The following MAGT1 variants were observed in gnomAD, a reference collection of about 807,000 sequenced individuals.
MAGT1 encodes the protein magnesium transporter 1.
Under a neutral mutation model 28.4 loss-of-function variants are expected in MAGT1, and 4 were observed. The ratio of observed to expected loss-of-function variants is 0.14; its 90% CI spans 0.07 to 0.32. MAGT1 has a LOEUF of 0.32. Among genes scored for constraint, MAGT1 ranks in the 10% least tolerant of loss-of-function variants. MAGT1 has a pLI of 1.00. For missense variants in MAGT1, 193 were observed against 264.5 expected (o/e 0.73, Z 1.88); for synonymous variants, 89 against 89.7 (o/e 0.99, Z 0.04).
chrX:77,831,594 CTTTTT>C (rs67369107), intron 8 of MAGT1, among the ~76,000 whole-genome samples: 2 of 91,328 alleles, frequency 2.2e-5, no homozygotes, highest in Non-Finnish European at 4.4e-5. Context: ...TTTTGGTTTT[CTTTTT>C]TTTTTTTTTT....
intron 1 of MAGT1, among the ~76,000 whole-genome samples, chrX:77,882,859 C>A (rs1557218602): frequency 9.4e-6 from 1 of 106,624 alleles, no homozygotes; most frequent in Non-Finnish European, 1.9e-5. Flanking sequence ...CCCAGATACT[C>A]AGGAGGCTGA....
chrX:77,857,994 G>C (rs1557216148), intron 3 of MAGT1, among the ~76,000 whole-genome samples: 1 of 111,390 alleles, frequency 9.0e-6, no homozygotes, highest in East Asian at 2.8e-4. Context: ...TTACTGATGA[G>C]CACCACATTT....
intron 5 of MAGT1, chrX:77,856,409 G>A (rs1466120710): frequency 5.9e-6 from 1 of 170,932 alleles, no homozygotes; most frequent in African/African-American, 3.2e-5. Context: ...CTGCACTCCA[G>A]TCTGGGTGAC....
chrX:77,836,682 T>C (rs920001174), intron 8 of MAGT1, among the ~76,000 whole-genome samples: 10 of 111,422 alleles, frequency 9.0e-5, no homozygotes, highest in Admixed American at 2.9e-4. Context: ...GGCAGAAGGA[T>C]TGCTTGAGCC....
intron 8 of MAGT1, chrX:77,837,206 A>T (rs1357259930): frequency 9.0e-6 from 1 of 111,338 alleles, no homozygotes; most frequent in Non-Finnish European, 1.9e-5. Flanking sequence ...CAAAGTCTAC[A>T]GCCATAGCAC....
chrX:77,842,158 C>T (rs1242049149), intron 7 of MAGT1, among the ~76,000 whole-genome samples: 3 of 109,451 alleles, frequency 2.7e-5, no homozygotes, highest in Admixed American at 1.0e-4. Context: ...TTTGGGAGGC[C>T]GAGGCGGGCC....
intron 3 of MAGT1, among the ~76,000 whole-genome samples, chrX:77,861,179 CAA>C (rs1217989456): frequency 2.1e-5 from 2 of 94,685 alleles, no homozygotes; most frequent in Admixed American, 1.2e-4. Context: ...AACTCTATCT[CAA>C]AAAAAAAAAA....
chrX:77,883,032 AT>A (rs1351568850), intron 1 of MAGT1, among the ~76,000 whole-genome samples: 2 of 100,988 alleles, frequency 2.0e-5, no homozygotes, highest in Admixed American at 2.4e-4. Flanking sequence ...TATATTTGTT[AT>A]TTATATATAA....
chrX:77,875,960 T>A (rs1448167102), intron 1 of MAGT1, among the ~76,000 whole-genome samples: 1 of 107,446 alleles, frequency 9.3e-6, no homozygotes, highest in Admixed American at 1.0e-4. Context: ...GCCTCCCAAG[T>A]GCTTGGAATA....
At chrX:77,835,647 G>T (rs1335922085) in intron 8 of MAGT1, among the ~76,000 whole-genome samples, 9 of 111,804 alleles carry the variant, frequency 8.0e-5, no homozygotes, top group African/African-American at 2.9e-4. Context: ...TCCCATGTTT[G>T]TTGTAGCACT....
intron 8 of MAGT1, among the ~76,000 whole-genome samples, chrX:77,840,489 T>C (rs1603359752): frequency 1.8e-5 from 2 of 109,546 alleles, no homozygotes; most frequent in Admixed American, 1.0e-4. Flanking sequence ...AGAATAATTA[T>C]AGTTAAAATT....
At chrX:77,880,957 C>CAAAAAAAA (rs11285161) in intron 1 of MAGT1, among the ~76,000 whole-genome samples, 2 of 35,453 alleles carry the variant, frequency 5.6e-5, no homozygotes, top group East Asian at 1.1e-3. Flanking sequence ...GAATCTGTCT[C>CAAAAAAAA]AAAAAAAAAA....
At chrX:77,882,065 G>C (rs782337951) in intron 1 of MAGT1, among the ~76,000 whole-genome samples, 40 of 112,240 alleles carry the variant, frequency 3.6e-4, no homozygotes, top group African/African-American at 1.3e-3. Context: ...TATCTCAATA[G>C]ATGCAGAAAA....
chrX:77,855,675 G>T, intron 5 of MAGT1, 85 bp from the exon 6 acceptor site: 2 of 682,222 alleles, frequency 2.9e-6, no homozygotes, highest in Non-Finnish European at 4.5e-6. Flanking sequence ...ATGTGCATCT[G>T]TTTAGTTAAG....
chrX:77,830,817 C>A lies in MAGT1; in HGVS notation c.980G>T (p.Gly327Val), dbSNP rs1557213308. 8.8e-7 allele frequency: 1 copy of A among 1,133,499 alleles called. No homozygotes were observed. The allele number at this position is 1,133,499 out of a possible 1,213,427, so 93.4% of individuals were successfully genotyped here. Residue 327 changes from glycine to valine, a missense_variant, in exon 9 of 10, where the codon GGC becomes GTC. Coordinates refer to ENST00000618282, the MANE Select transcript of MAGT1 (RefSeq NM_001367916.1). The part of the protein sequence containing the change: ...MLSIFRSKYH[G>V]YPYSFLMS ...ATAAGAATCATACCTGTATGGGTAGCCATGATATTTAGATCTAAAAATAGA... is the reference window on the plus strand; with the variant it reads ...ATAAGAATCATACCTGTATGGGTAGACATGATATTTAGATCTAAAAATAGA...
intron 9 of MAGT1, among the ~76,000 whole-genome samples, chrX:77,830,363 T>C (rs2076894121): frequency 8.9e-6 from 1 of 111,858 alleles, no homozygotes; most frequent in Non-Finnish European, 1.9e-5. Context: ...CTCATGCCTA[T>C]AATCCCAGCA....
intron 3 of MAGT1, among the ~76,000 whole-genome samples, chrX:77,857,808 G>T (rs781782952): frequency 8.9e-6 from 1 of 111,999 alleles, no homozygotes; most frequent in African/African-American, 3.2e-5. Context: ...TATGCAAAAT[G>T]AATACATTTA....
At position 77,830,796 on chromosome X, in the gene MAGT1, G is replaced by C. The variant is rs199573608; in HGVS notation, c.992+9C>G. The C allele has an allele frequency of 1.9e-6, 2 of 1,048,703 alleles. No homozygotes were observed. The highest frequency in any genetic ancestry group is 2.4e-5 in the Admixed American group (1 of 42,222). 86.4% of individuals were successfully genotyped at this position (1,048,703 alleles called of 1,213,427 possible). A position where few individuals can be genotyped will look rare whatever the true frequency, so the allele number is the denominator to read the frequency against. ...TAATCACTGTATAAACAAAAAATAA[G>C]AATCATACCTGTATGGGTAGCCATG... On this transcript the variant is annotated intron_variant, in intron 9 of 9. Transcript: ENST00000618282.
intron 8 of MAGT1, among the ~76,000 whole-genome samples, chrX:77,838,898 A>G (rs1221349293): frequency 9.0e-6 from 1 of 111,285 alleles, no homozygotes; most frequent in Non-Finnish European, 1.9e-5. Flanking sequence ...AAAATATTTG[A>G]CCTTATAAAA....
Sources: allele counts gnomAD v4.1 joint callset (sites outside exome capture counted in the v4.1 genomes callset), GRCh38; gene constraint gnomAD v4.1.1; transcripts MANE v1.5; gene names NCBI Gene and HGNC (gene_info 2026-07-23, HGNC 2026-07-21).